QRFPR: variants seen among roughly 807,000 people sequenced by gnomAD.
The protein encoded by QRFPR is pyroglutamylated RF-amide peptide receptor.
QRFPR carries 37 observed loss-of-function variants against 31.3 expected under a neutral mutation model. The observed-to-expected ratio is 1.18, with a 90% CI of 0.91 to 1.56. The LOEUF (loss-of-function observed/expected upper bound fraction) is 1.56. Ranked by LOEUF, QRFPR falls within the 40% of genes most tolerant of loss-of-function variation. The pLI, the probability that QRFPR is intolerant of heterozygous loss-of-function variation, is 0.00. For synonymous variants in QRFPR, 197 were observed against 192.0 expected, an observed-to-expected ratio of 1.03 and a Z score of -0.22; for missense variants, 542 against 532.5, an observed-to-expected ratio of 1.02 and a Z score of -0.18.
At chr4:121,336,198 C>G (rs771772466) in intron 3 of QRFPR, among the ~76,000 whole-genome samples, 2 of 152,134 alleles carry the variant, frequency 1.3e-5, no homozygotes, top group South Asian at 4.1e-4. Flanking sequence ...ATCACCTATG[C>G]AAGACATGTT....
chr4:121,349,003 A>G (rs2110473695), intron 1 of QRFPR, among the ~76,000 whole-genome samples: 1 of 152,298 alleles, frequency 6.6e-6, no homozygotes, highest in Admixed American at 6.5e-5. Flanking sequence ...AGGCTGAGGC[A>G]GGAGAATGGC....
At chr4:121,380,217 G>C (rs1392326114) in intron 1 of QRFPR, 91 bp downstream of exon 1, 7 of 733,204 alleles carry the variant, frequency 9.5e-6, no homozygotes, top group Non-Finnish European at 1.6e-5. Context: ...GAGAGAGAGA[G>C]AGAGAGAGAG....
At chr4:121,369,221 G>T (rs28477518) in intron 1 of QRFPR, among the ~76,000 whole-genome samples, 1 of 152,104 alleles carries the variant, frequency 6.6e-6, no homozygotes, top group African/African-American at 2.4e-5. Context: ...TAGAGACAGG[G>T]TTTCATTGTG....
At chr4:121,344,783 T>C (rs1382358775) in intron 1 of QRFPR, among the ~76,000 whole-genome samples, 1 of 152,180 alleles carries the variant, frequency 6.6e-6, no homozygotes, top group Non-Finnish European at 1.5e-5. Flanking sequence ...CAGCTTCTTG[T>C]TCTGGTAATC....
intron 1 of QRFPR, among the ~76,000 whole-genome samples, chr4:121,342,400 C>G (rs1225911316): frequency 6.6e-6 from 1 of 152,094 alleles, no homozygotes; most frequent in Admixed American, 6.6e-5. Flanking sequence ...TAATTAATCT[C>G]TCCTAAATAT....
At chr4:121,343,977 T>C (rs2110471680) in intron 1 of QRFPR, among the ~76,000 whole-genome samples, 1 of 152,352 alleles carries the variant, frequency 6.6e-6, no homozygotes, top group African/African-American at 2.4e-5. Flanking sequence ...AAGGGATTAA[T>C]AATACCCATC....
chr4:121,336,727 G>A, intron 3 of QRFPR, 80 bp downstream of exon 3: 2 of 1,158,090 alleles, frequency 1.7e-6, no homozygotes, highest in South Asian at 1.2e-5. Flanking sequence ...TATTGCTCCT[G>A]CAGGAAGGAA....
chr4:121,348,844 T>C (rs549816744), intron 1 of QRFPR, among the ~76,000 whole-genome samples: 48 of 152,232 alleles, frequency 3.2e-4, no homozygotes, highest in African/African-American at 1.1e-3. Context: ...ATGCCTATAA[T>C]CCCAGCACTT....
At chr4:121,354,853 G>A (rs1428145371) in intron 1 of QRFPR, among the ~76,000 whole-genome samples, 1 of 151,904 alleles carries the variant, frequency 6.6e-6, no homozygotes, top group Non-Finnish European at 1.5e-5. Flanking sequence ...CCATAGTGTT[G>A]ATATGATGTA....
At chr4:121,360,439 G>A (rs939108053) in intron 1 of QRFPR, among the ~76,000 whole-genome samples, 2 of 152,008 alleles carry the variant, frequency 1.3e-5, no homozygotes, top group African/African-American at 4.8e-5. Flanking sequence ...TTATCACTTC[G>A]ATGGACCAGG....
At chr4:121,367,037 C>T (rs951793277) in intron 1 of QRFPR, among the ~76,000 whole-genome samples, 2 of 150,026 alleles carry the variant, frequency 1.3e-5, no homozygotes, top group Non-Finnish European at 3.0e-5. Flanking sequence ...AATTGAGGTG[C>T]CGTCATGTAC....
At chr4:121,339,128 G>T (rs548567199) in intron 2 of QRFPR, among the ~76,000 whole-genome samples, 1 of 152,236 alleles carries the variant, frequency 6.6e-6, no homozygotes, top group South Asian at 2.1e-4. Context: ...AAGCCTGCAG[G>T]GGTTCTTTCT....
At chr4:121,375,374 C>T (rs919082980) in intron 1 of QRFPR, among the ~76,000 whole-genome samples, 13 of 152,174 alleles carry the variant, frequency 8.5e-5, no homozygotes, top group Admixed American at 7.2e-4. Flanking sequence ...TCTTTGAATG[C>T]TTCCTCCCCC....
chr4:121,357,430 T>A (rs185925361), intron 1 of QRFPR, among the ~76,000 whole-genome samples: 21 of 152,144 alleles, frequency 1.4e-4, no homozygotes, highest in Admixed American at 1.3e-3. Context: ...TAAAAAAAAA[T>A]TTAAAGCCGT....
At chr4:121,353,588 A>G (rs1227751784) in intron 1 of QRFPR, among the ~76,000 whole-genome samples, 1 of 151,716 alleles carries the variant, frequency 6.6e-6, no homozygotes, top group Non-Finnish European at 1.5e-5. Context: ...AAACTGTTTG[A>G]GCTCCTTCTA....
At chr4:121,345,974 C>T (rs555112835) in intron 1 of QRFPR, among the ~76,000 whole-genome samples, 18 of 151,936 alleles carry the variant, frequency 1.2e-4, no homozygotes, top group African/African-American at 4.1e-4. Flanking sequence ...AGTCTTTAAC[C>T]GTAGAGAAGA....
rs576478397 is a variant in QRFPR at position 121,355,786 on chromosome 4, T to A, written c.341-15176A>T. Among the ~76,000 whole-genome samples, 128 of 151,916 alleles carry A rather than the reference T, an allele frequency of 8.4e-4. 2 individuals are homozygous for A. Among genetic ancestry groups the A allele is most frequent in the Admixed American group, 7.5e-3 (114 of 15,254 alleles). On this transcript the variant is annotated intron_variant, in intron 1 of 5. Coordinates refer to ENST00000394427, the MANE Select transcript of QRFPR (RefSeq NM_198179.3). ...CATTTTTATTTGTTTTAAGAAATTTTAAAAAAAACTTAAAAATTTCTTTAT... is the reference window on the plus strand; with the variant it reads ...CATTTTTATTTGTTTTAAGAAATTTAAAAAAAAACTTAAAAATTTCTTTAT...
At chr4:121,375,768 T>C (rs1257561865) in intron 1 of QRFPR, among the ~76,000 whole-genome samples, 2 of 152,170 alleles carry the variant, frequency 1.3e-5, no homozygotes, top group African/African-American at 4.8e-5. Flanking sequence ...AAGAGAAAGA[T>C]TGAGAACTCT....
chr4:121,379,573 CCA>C lies in QRFPR; in HGVS notation c.340+733_340+734del, dbSNP rs1726429378. Reference sequence around the variant, plus strand: ...AGAAATATATCTTTTTTTCCAACCTCCACACACTGCTCCCAACTCAGTGACTC... The same window carrying C: ...AGAAATATATCTTTTTTTCCAACCTCCACACTGCTCCCAACTCAGTGACTC... On this transcript the variant is annotated intron_variant, in intron 1 of 5. Coordinates refer to ENST00000394427, the MANE Select transcript of QRFPR (RefSeq NM_198179.3). 2.6e-5 allele frequency among the ~76,000 whole-genome samples: 4 copies of C among 152,270 alleles called. No homozygotes were observed. The South Asian group carries it at 8.3e-4, about 32-fold the overall frequency.
Sources: gnomAD v4.1 joint callset for allele counts (sites outside exome capture counted in the v4.1 genomes callset) on GRCh38, gnomAD v4.1.1 for gene constraint, MANE v1.5 for transcripts, NCBI Gene and HGNC (gene_info 2026-07-23, HGNC 2026-07-21) for gene names.